The following CTNNA3 variants were observed in gnomAD, a reference collection of about 807,000 sequenced individuals.
CTNNA3 encodes catenin alpha-3.
Under a neutral mutation model 95.7 loss-of-function variants are expected in CTNNA3, and 76 were observed. The observed-to-expected ratio is 0.79, with a 90% CI of 0.66 to 0.96. The LOEUF is 0.96. Ranked by LOEUF, CTNNA3 falls within the 40% of genes least tolerant of loss-of-function variation. CTNNA3 has a pLI of 0.00. For missense variants in CTNNA3, 1,191 were observed against 1,089.8 expected (o/e 1.09, Z -1.31); for synonymous variants, 431 against 374.4 (o/e 1.15, Z -1.74).
intron 7 of CTNNA3, among the ~76,000 whole-genome samples, chr10:67,092,392 C>T (rs1047533638): frequency 2.6e-5 from 4 of 151,788 alleles, no homozygotes; most frequent in African/African-American, 7.3e-5. Flanking sequence ...GAAAACATGG[C>T]CTTTTTGTTA....
chr10:66,499,534 C>T (rs1840208380), intron 11 of CTNNA3, among the ~76,000 whole-genome samples: 1 of 152,068 alleles, frequency 6.6e-6, no homozygotes, highest in Non-Finnish European at 1.5e-5. Context: ...CCCTATGTAG[C>T]TCAGGCTAAC....
chr10:67,423,854 A>G (rs909643708), intron 5 of CTNNA3, among the ~76,000 whole-genome samples: 11 of 152,264 alleles, frequency 7.2e-5, no homozygotes, highest in African/African-American at 2.2e-4. Flanking sequence ...GGACTCTTCA[A>G]TCTTTACAAG....
chr10:66,500,607 T>A (rs1468956285), intron 11 of CTNNA3, among the ~76,000 whole-genome samples: 1 of 152,086 alleles, frequency 6.6e-6, no homozygotes, highest in African/African-American at 2.4e-5. Context: ...GTATGAAACA[T>A]AAAGTACATA....
chr10:67,412,708 T>C (rs189705678), intron 5 of CTNNA3, among the ~76,000 whole-genome samples: 60 of 152,198 alleles, frequency 3.9e-4, no homozygotes, highest in Admixed American at 1.6e-3. Flanking sequence ...ATTTTCAGTG[T>C]CCTTAAAGAA....
intron 5 of CTNNA3, among the ~76,000 whole-genome samples, chr10:67,400,695 C>T (rs1844884295): frequency 6.6e-6 from 1 of 152,072 alleles, no homozygotes. Context: ...TGAATGTATG[C>T]AATTGCTATT....
intron 9 of CTNNA3, among the ~76,000 whole-genome samples, chr10:66,686,259 A>G (rs1241078511): frequency 6.6e-6 from 1 of 151,710 alleles, no homozygotes; most frequent in African/African-American, 2.4e-5. Flanking sequence ...CTCCAAGAAT[A>G]CTCTTCAGCA....
chr10:67,580,672 G>A (rs879339495), intron 3 of CTNNA3, among the ~76,000 whole-genome samples: 183 of 151,220 alleles, frequency 1.2e-3, no homozygotes, highest in Non-Finnish European at 1.6e-3. Flanking sequence ...TCATGATATT[G>A]ATTCTTCCTA....
rs1554960206 is a variant in CTNNA3, at chr10:66,421,920, A to ACACT, written c.1532-42569_1532-42568insAGTG. 1.7e-3 allele frequency among the ~76,000 whole-genome samples: 244 copies of ACACT among 139,806 alleles called. 2 individuals are homozygous for ACACT. Among genetic ancestry groups the ACACT allele is most frequent in the African/African-American group, 6.4e-3 (236 of 36,624 alleles). 91.7% of individuals were successfully genotyped at this position (139,806 alleles called of 152,430 possible). A position where few individuals can be genotyped will look rare whatever the true frequency, so the allele number is the denominator to read the frequency against. On this transcript the variant is annotated intron_variant, in intron 11 of 17. Transcript: ENST00000433211. ...GTGATATATATATATATATATACAC[A>ACACT]CACACACAAGAAAAAAAGAATTCAG...
At chr10:66,554,454 T>A (rs984308823) in intron 10 of CTNNA3, among the ~76,000 whole-genome samples, 32 of 152,180 alleles carry the variant, frequency 2.1e-4, no homozygotes, top group African/African-American at 7.5e-4. Flanking sequence ...CCTAATTCTC[T>A]CTGTTCTCCT....
chr10:66,853,917 C>G (rs765070464), intron 7 of CTNNA3, among the ~76,000 whole-genome samples: 1 of 151,718 alleles, frequency 6.6e-6, no homozygotes, highest in African/African-American at 2.4e-5. Flanking sequence ...CCTGAATGCA[C>G]TGAATGTGCA....
At chr10:66,582,417 A>C (rs1450952214) in intron 10 of CTNNA3, among the ~76,000 whole-genome samples, 1 of 151,608 alleles carries the variant, frequency 6.6e-6, no homozygotes, top group Non-Finnish European at 1.5e-5. Context: ...AAAGGGATTG[A>C]GTTTTTTATT....
chr10:66,493,065 C>A (rs1311638144), intron 11 of CTNNA3, among the ~76,000 whole-genome samples: 2 of 151,990 alleles, frequency 1.3e-5, no homozygotes, highest in Non-Finnish European at 2.9e-5. Context: ...CAGATCATAT[C>A]TAGGGAAATG....
intron 13 of CTNNA3, among the ~76,000 whole-genome samples, chr10:66,120,419 A>T (rs1276399161): frequency 6.6e-6 from 1 of 152,196 alleles, no homozygotes; most frequent in Non-Finnish European, 1.5e-5. Flanking sequence ...TTAGAATTAC[A>T]TTAAATAAAT....
chr10:67,192,489 T>C (rs1452675979), intron 6 of CTNNA3, among the ~76,000 whole-genome samples: 2 of 151,920 alleles, frequency 1.3e-5, no homozygotes, highest in Non-Finnish European at 2.9e-5. Context: ...AAAAGGCCAA[T>C]AGTGCATTAA....
intron 7 of CTNNA3, among the ~76,000 whole-genome samples, chr10:66,989,741 C>T (rs538074498): frequency 2.6e-5 from 4 of 152,006 alleles, no homozygotes; most frequent in East Asian, 1.9e-4. Context: ...AGTGAATTTC[C>T]TCAGAAAATT....
chr10:66,026,446 T>C (rs2079339362), intron 15 of CTNNA3, among the ~76,000 whole-genome samples: 1 of 152,218 alleles, frequency 6.6e-6, no homozygotes, highest in East Asian at 1.9e-4. Context: ...AAGATATATT[T>C]AAAACTTCTA....
At chr10:66,108,724 G>A (rs1217879812) in intron 13 of CTNNA3, among the ~76,000 whole-genome samples, 2 of 152,020 alleles carry the variant, frequency 1.3e-5, no homozygotes, top group Non-Finnish European at 1.5e-5. Flanking sequence ...CACATAGTAT[G>A]TCTCAATTTT....
At chr10:67,185,452 A>G (rs2132156568) in intron 6 of CTNNA3, among the ~76,000 whole-genome samples, 1 of 151,884 alleles carries the variant, frequency 6.6e-6, no homozygotes, top group East Asian at 1.9e-4. Flanking sequence ...CTATGCCTCT[A>G]TTGAGTCTCT....
chr10:67,556,004 A>G (rs1236887485), intron 3 of CTNNA3, among the ~76,000 whole-genome samples: 2 of 152,194 alleles, frequency 1.3e-5, no homozygotes, highest in African/African-American at 4.8e-5. Flanking sequence ...GCATCTATTA[A>G]GATAATTCAT....
Sources: gnomAD v4.1 joint callset for allele counts (sites outside exome capture counted in the v4.1 genomes callset) on GRCh38, gnomAD v4.1.1 for gene constraint, MANE v1.5 for transcripts, NCBI Gene and HGNC (gene_info 2026-07-23, HGNC 2026-07-21) for gene names.